The following ACSF3 variants were observed in gnomAD, a reference collection of about 807,000 sequenced individuals.
ACSF3 encodes the protein malonate--CoA ligase ACSF3, mitochondrial.
Under a neutral mutation model 53.2 loss-of-function variants are expected in ACSF3, and 78 were observed. That is an observed-to-expected ratio of 1.47 (90% CI 1.22 to 1.77). ACSF3 has a LOEUF of 1.77. Among genes scored for constraint, ACSF3 ranks in the 40% most tolerant of loss-of-function variants. ACSF3 has a pLI of 0.00. For missense variants in ACSF3, 937 were observed against 771.1 expected (o/e 1.22, Z -2.55); for synonymous variants, 414 against 333.1 (o/e 1.24, Z -2.65).
chr16:89,130,133 A>G (rs539240355), intron 7 of ACSF3, among the ~76,000 whole-genome samples: 5 of 152,344 alleles, frequency 3.3e-5, no homozygotes, highest in South Asian at 4.1e-4. Context: ...AGGACATTCT[A>G]TAGGAATTCT....
In ACSF3 at chr16:89,112,207, C is replaced by T; in HGVS notation, c.938C>T (p.Ala313Val). ...YYDRHFTQPH[A>V]QDFLRAVCEE... ...GACAGGCATTTTACCCAGCCGCACG[C>T]CCAGGATTTCTTGCGTGCAGTTTGT... Residue 313 changes from alanine to valine, a missense_variant, in exon 5 of 11, where the codon GCC becomes GTC. Physicochemically the swap from Ala to Val is moderately conservative, Grantham distance 64 (BLOSUM62 0). Transcript: ENST00000614302. 6.2e-7 allele frequency: 1 copy of T among 1,614,200 alleles called. No individual in the cohort carries two copies.
At chr16:89,131,203 G>A (rs967366874) in intron 7 of ACSF3, among the ~76,000 whole-genome samples, 1 of 124,742 alleles carries the variant, frequency 8.0e-6, no homozygotes, top group Non-Finnish European at 1.6e-5. Flanking sequence ...CTGCAGTCTT[G>A]GTTCACTGCA....
chr16:89,125,150 C>T (rs1907731631), intron 7 of ACSF3, among the ~76,000 whole-genome samples: 1 of 152,026 alleles, frequency 6.6e-6, no homozygotes, highest in Admixed American at 6.6e-5. Flanking sequence ...TCAAGACCAG[C>T]CTGACCAAGA....
At chr16:89,125,508 A>T (rs1210049464) in intron 7 of ACSF3, among the ~76,000 whole-genome samples, 1 of 152,110 alleles carries the variant, frequency 6.6e-6, no homozygotes, top group Non-Finnish European at 1.5e-5. Context: ...AGCCTGGCCA[A>T]CATGGTAAAA....
intron 7 of ACSF3, among the ~76,000 whole-genome samples, chr16:89,121,396 G>A (rs1045155208): frequency 2.6e-5 from 4 of 152,204 alleles, no homozygotes; most frequent in Non-Finnish European, 5.9e-5. Flanking sequence ...GCACGCGGAG[G>A]TGGGTGCCTG....
At chr16:89,114,728 C>T (rs572805516) in intron 6 of ACSF3, 10 of 618,594 alleles carry the variant, frequency 1.6e-5, no homozygotes, top group African/African-American at 9.0e-5. Flanking sequence ...TGGCCCCTGG[C>T]TGTATGACTG....
intron 4 of ACSF3, among the ~76,000 whole-genome samples, chr16:89,105,627 ACCTTGGCCTCTGCT>A (rs1234951398): frequency 1.3e-5 from 2 of 152,006 alleles, no homozygotes; most frequent in African/African-American, 4.8e-5. Context: ...AACCTGCCCC[ACCTTGGCCTCTGCT>A]CCTTGGCAGC....
At chr16:89,109,146 T>C (rs924345442) in intron 4 of ACSF3, among the ~76,000 whole-genome samples, 1 of 148,470 alleles carries the variant, frequency 6.7e-6, no homozygotes, top group African/African-American at 2.5e-5. Context: ...GTAGGAGAAT[T>C]GCTTGAACCC....
intron 8 of ACSF3, among the ~76,000 whole-genome samples, chr16:89,137,351 AC>A (rs1910771744): frequency 6.9e-6 from 1 of 145,282 alleles, no homozygotes; most frequent in African/African-American, 2.6e-5. Context: ...TCTCGGGAGG[AC>A]CACCAGGAGC....
chr16:89,123,521 G>T (rs575857961), intron 7 of ACSF3, among the ~76,000 whole-genome samples: 1 of 152,288 alleles, frequency 6.6e-6, no homozygotes, highest in Admixed American at 6.5e-5. Flanking sequence ...TGGGCTGTCC[G>T]ATCCACTCTT....
chr16:89,102,469 A>G (rs1427369494), intron 3 of ACSF3, 135 bp from the exon 4 acceptor site: 9 of 1,040,496 alleles, frequency 8.6e-6, no homozygotes, highest in Non-Finnish European at 1.3e-5. Context: ...AAGGGGAGCA[A>G]CAAAGAGCCA....
At chr16:89,119,711 G>T (rs146887886) in intron 6 of ACSF3, among the ~76,000 whole-genome samples, 1 of 152,306 alleles carries the variant, frequency 6.6e-6, no homozygotes, top group African/African-American at 2.4e-5. Context: ...AACTCCCGAG[G>T]TGACACTCCG....
At chr16:89,147,200 T>G (rs116572593) in intron 10 of ACSF3, among the ~76,000 whole-genome samples, 52 of 22,762 alleles carry the variant, frequency 2.3e-3, no homozygotes, top group Admixed American at 2.7e-3. Flanking sequence ...GTCCACAGAG[T>G]GAGTGAGAGA....
In ACSF3 at chr16:89,114,026, C is replaced by T. The variant is rs554580674; in HGVS notation, c.978-313C>T. ...TGTTCTTGAGCGTGGTTGTGAACAG[C>T]GCAGGAACTTTGCAGGGGACACCGC... On this transcript the variant is annotated intron_variant, in intron 5 of 10. Transcript: ENST00000614302. 9 of 408,354 alleles carry T rather than the reference C, an allele frequency of 2.2e-5. No homozygotes were observed. In the East Asian group the frequency reaches 3.4e-4, roughly 15 times the overall value. The allele number at this position is 408,354 out of a possible 1,614,324, so 25.3% of individuals were successfully genotyped here. A position where few individuals can be genotyped will look rare whatever the true frequency, so the allele number is the denominator to read the frequency against.
chr16:89,115,495 G>A (rs765231987), intron 6 of ACSF3, among the ~76,000 whole-genome samples: 4 of 152,228 alleles, frequency 2.6e-5, no homozygotes, highest in African/African-American at 9.6e-5. Context: ...GTCAGAGCCC[G>A]CGCCTTTCCC....
chr16:89,141,319 T>G, intron 8 of ACSF3: 1 of 1,283,926 alleles, frequency 7.8e-7, no homozygotes, highest in Non-Finnish European at 1.0e-6. Context: ...CAGGGAGATG[T>G]CGACCCTCGG....
chr16:89,144,606 C>T (rs954446222), intron 8 of ACSF3, among the ~76,000 whole-genome samples: 3 of 152,226 alleles, frequency 2.0e-5, no homozygotes, highest in African/African-American at 7.2e-5. Flanking sequence ...TTTTGTGGGC[C>T]TGAGAGAAAT....
rs372495378 is a variant in ACSF3 at position 89,133,265 on chromosome 16, A to G, written c.1366+3A>G. The G allele has an allele frequency of 9.9e-6, 16 of 1,613,874 alleles. No individual in the cohort carries two copies. The African/African-American group carries it at 1.1e-4, about 11-fold the overall frequency. ...CCTGGATGGCTGGTTTAAGACAGGTAGGACCCAGCCCCATGGGAGTGGAGG... is the reference window on the plus strand; with the variant it reads ...CCTGGATGGCTGGTTTAAGACAGGTGGGACCCAGCCCCATGGGAGTGGAGG... On this transcript the variant is annotated splice_donor_region_variant and intron_variant, in intron 8 of 10. Transcript: ENST00000614302.
At chr16:89,110,516 T>A (rs1289948884) in intron 4 of ACSF3, among the ~76,000 whole-genome samples, 1 of 152,264 alleles carries the variant, frequency 6.6e-6, no homozygotes, top group African/African-American at 2.4e-5. Context: ...TGTGGGTCTC[T>A]TGTCTAATCT....
Sources: allele counts gnomAD v4.1 joint callset (sites outside exome capture counted in the v4.1 genomes callset), GRCh38; gene constraint gnomAD v4.1.1; transcripts MANE v1.5; gene names NCBI Gene and HGNC (gene_info 2026-07-23, HGNC 2026-07-21).